Variants in ITGA1 observed in about 807,000 individuals in gnomAD.
ITGA1 encodes integrin alpha-1.
A neutral mutation model predicts 145.9 loss-of-function variants in ITGA1; 85 were observed. That is an observed-to-expected ratio of 0.58 (90% CI 0.49 to 0.70). The LOEUF (loss-of-function observed/expected upper bound fraction) is 0.70, where lower values mean the gene tolerates loss of function less well. Among genes scored for constraint, ITGA1 ranks in the 30% least tolerant of loss-of-function variants. ITGA1 has a pLI of 0.00. For synonymous variants in ITGA1, 520 were observed against 495.3 expected, an observed-to-expected ratio of 1.05 and a Z score of -0.66; for missense variants, 1,351 against 1,418.7, an observed-to-expected ratio of 0.95 and a Z score of 0.77.
chr5:52,800,019 G>A (rs1047060910), intron 1 of ITGA1: 5 of 278,842 alleles, frequency 1.8e-5, no homozygotes, highest in Non-Finnish European at 2.8e-5. Flanking sequence ...GCGCACGCGC[G>A]AACTGCGGCC....
chr5:52,864,444 C>T (rs1200684122), intron 3 of ITGA1, among the ~76,000 whole-genome samples: 6 of 152,150 alleles, frequency 3.9e-5, no homozygotes, highest in African/African-American at 1.4e-4. Flanking sequence ...ATTATATCTA[C>T]AGTATTATGA....
chr5:52,832,041 TG>T (rs1749079430), intron 1 of ITGA1, among the ~76,000 whole-genome samples: 1 of 152,152 alleles, frequency 6.6e-6, no homozygotes, highest in South Asian at 2.1e-4. Context: ...TAAAGTTGTC[TG>T]GGGGCTCATT....
intron 2 of ITGA1, among the ~76,000 whole-genome samples, chr5:52,859,981 C>T (rs2062996137): frequency 6.6e-6 from 1 of 152,104 alleles, no homozygotes; most frequent in Non-Finnish European, 1.5e-5. Context: ...CATCTAAATC[C>T]CCCATGCCTT....
intron 26 of ITGA1, among the ~76,000 whole-genome samples, chr5:52,940,502 G>A (rs567098918): frequency 4.0e-5 from 6 of 150,408 alleles, no homozygotes; most frequent in Admixed American, 3.3e-4. Flanking sequence ...TCCACCTCCC[G>A]GGTTCACGCC....
At chr5:52,897,591 A>G (rs1750246357) in intron 10 of ITGA1, 63 bp downstream of exon 10, 2 of 1,213,900 alleles carry the variant, frequency 1.6e-6, no homozygotes, top group South Asian at 1.2e-5. Context: ...CCCAAAACCA[A>G]CATCTAGCCA....
intron 9 of ITGA1, among the ~76,000 whole-genome samples, chr5:52,895,524 A>T (rs761182907): frequency 7.2e-5 from 11 of 152,234 alleles, no homozygotes; most frequent in Non-Finnish European, 1.2e-4. Flanking sequence ...AAAATAATTT[A>T]AAAGAAAAGT....
intron 27 of ITGA1, 108 bp from the exon 28 acceptor site, chr5:52,947,237 G>T (rs1206329848): frequency 1.5e-5 from 10 of 676,738 alleles, no homozygotes; most frequent in Non-Finnish European, 2.7e-5. Context: ...TCATTATATA[G>T]TAACGAGATT....
chr5:52,821,513 A>G (rs999445788), intron 1 of ITGA1, among the ~76,000 whole-genome samples: 2 of 152,172 alleles, frequency 1.3e-5, no homozygotes, highest in Admixed American at 6.6e-5. Flanking sequence ...AGTCACTATA[A>G]TTCAGTTTTC....
intron 1 of ITGA1, among the ~76,000 whole-genome samples, chr5:52,795,655 A>G (rs1748326542): frequency 1.3e-5 from 2 of 151,944 alleles, no homozygotes; most frequent in African/African-American, 4.8e-5. Context: ...TATTTTTCCA[A>G]GGCTGAATAA....
chr5:52,916,525 C>T (rs564268447), intron 15 of ITGA1, among the ~76,000 whole-genome samples: 36 of 151,902 alleles, frequency 2.4e-4, no homozygotes, highest in African/African-American at 8.2e-4. Context: ...GATGACTTTG[C>T]TATAATTTAA....
At chr5:52,811,531 T>TTAGTAGAAGGCTAGAAGGA (rs1304593957) in intron 1 of ITGA1, among the ~76,000 whole-genome samples, 9 of 152,202 alleles carry the variant, frequency 5.9e-5, no homozygotes, top group Non-Finnish European at 1.2e-4. Flanking sequence ...GAGAGCAGCC[T>TTAGTAGAAGGCTAGAAGGA]GCTAGAAGGA....
chr5:52,894,012 G>C (rs1750189732), intron 9 of ITGA1, among the ~76,000 whole-genome samples, 172 bp downstream of exon 9: 1 of 150,570 alleles, frequency 6.6e-6, no homozygotes, highest in African/African-American at 2.5e-5. Context: ...TAAGATGGCT[G>C]TTTCTCACAA....
intron 6 of ITGA1, among the ~76,000 whole-genome samples, chr5:52,875,489 A>G (rs1580074157): frequency 6.6e-6 from 1 of 152,080 alleles, no homozygotes; most frequent in South Asian, 2.1e-4. Flanking sequence ...TTATCTACCC[A>G]TCTATTTATT....
At position 52,956,200 on chromosome 5, in the gene ITGA1, C is replaced by T. The variant is rs1751302906; in HGVS notation, c.*3749C>T. On this transcript the variant is annotated 3_prime_UTR_variant, in exon 29 of 29. Coordinates refer to ENST00000282588, the MANE Select transcript of ITGA1 (RefSeq NM_181501.2). ...GCCCCACTGGCTCCATGGAGTGTGCCTTCACGCGGGGGAATGTCCTTGTCC... is the reference window on the plus strand; with the variant it reads ...GCCCCACTGGCTCCATGGAGTGTGCTTTCACGCGGGGGAATGTCCTTGTCC... 1 of 152,104 alleles carries T rather than the reference C, an allele frequency of 6.6e-6. No homozygotes were observed. Among genetic ancestry groups the T allele is most frequent in the Admixed American group, 6.5e-5 (1 of 15,270 alleles). The allele number at this position is 152,104 out of a possible 1,614,324, so 9.4% of individuals were successfully genotyped here.
In ITGA1 at chr5:52,912,711, AGTGTGTGT is replaced by A. The variant is rs67318879; in HGVS notation, c.1857+2315_1857+2322del. Among the ~76,000 whole-genome samples the A allele has an allele frequency of 4.6e-3, 604 of 132,354 alleles. 6 individuals carry two copies. Among genetic ancestry groups the A allele is most frequent in the African/African-American group, 0.016 (557 of 34,240 alleles). The allele number at this position is 132,354 out of a possible 152,430, so 86.8% of individuals were successfully genotyped here. A position where few individuals can be genotyped will look rare whatever the true frequency, so the allele number is the denominator to read the frequency against. ...GTGTATATAGATACACTATATATAT[AGTGTGTGT>A]GTGTGTGTGTGTGTGTGTGTGTATA... On this transcript the variant is annotated intron_variant, in intron 14 of 28. Coordinates refer to ENST00000282588, the MANE Select transcript of ITGA1 (RefSeq NM_181501.2).
rs948307291 is a variant in ITGA1 at position 52,954,310 on chromosome 5, T to G, written c.*1859T>G. The stretch of plus-strand genomic sequence containing the variant: ...AGCCTGCCCAGAAGCCCTTCTCTGA[T>G]CTCAGCAAGATCTTAGTAGTAAAGC... On this transcript the variant is annotated 3_prime_UTR_variant, in exon 29 of 29. Transcript: ENST00000282588. 1 of 152,216 alleles carries G rather than the reference T, an allele frequency of 6.6e-6. No individual in the cohort carries two copies. The highest frequency in any genetic ancestry group is 2.4e-5 in the African/African-American group (1 of 41,426). The allele number at this position is 152,216 out of a possible 1,614,324, so 9.4% of individuals were successfully genotyped here.
chr5:52,876,551 G>A (rs759186165), intron 6 of ITGA1, among the ~76,000 whole-genome samples: 33 of 151,896 alleles, frequency 2.2e-4, no homozygotes, highest in Admixed American at 3.9e-4. Context: ...AGACTTCGTT[G>A]TATCTCTCTT....
chr5:52,907,614 G>A (rs771294342), intron 12 of ITGA1, among the ~76,000 whole-genome samples: 1 of 152,168 alleles, frequency 6.6e-6, no homozygotes, highest in Non-Finnish European at 1.5e-5. Context: ...TAACAATGAC[G>A]TTTGGCTTTT....
intron 16 of ITGA1, among the ~76,000 whole-genome samples, chr5:52,919,188 A>G (rs1355496916): frequency 6.6e-6 from 1 of 152,112 alleles, no homozygotes. Context: ...CTTAAGAAAA[A>G]AATACCGATT....
Sources: allele counts gnomAD v4.1 joint callset (sites outside exome capture counted in the v4.1 genomes callset), GRCh38; gene constraint gnomAD v4.1.1; transcripts MANE v1.5; gene names NCBI Gene and HGNC (gene_info 2026-07-23, HGNC 2026-07-21).